The following CTNNA3 variants were observed in gnomAD, a reference collection of about 807,000 sequenced individuals.
The protein encoded by CTNNA3 is catenin alpha 3.
Under a neutral mutation model 95.7 loss-of-function variants are expected in CTNNA3, and 76 were observed. The ratio of observed to expected loss-of-function variants is 0.79; its 90% CI spans 0.66 to 0.96. The LOEUF is 0.96. CTNNA3 is among the 40% of genes least tolerant of loss of function. The probability of loss-of-function intolerance (pLI) is 0.00; values close to 1 mark genes in which losing one functional copy is unlikely to be tolerated. For synonymous variants in CTNNA3, 431 were observed against 374.4 expected, an observed-to-expected ratio of 1.15 and a Z score of -1.74; for missense variants, 1,191 against 1,089.8, an observed-to-expected ratio of 1.09 and a Z score of -1.31.
At chr10:66,604,942 G>T (rs1208908631) in intron 10 of CTNNA3, among the ~76,000 whole-genome samples, 1 of 152,140 alleles carries the variant, frequency 6.6e-6, no homozygotes, top group Non-Finnish European at 1.5e-5. Context: ...TCCAGCAGGG[G>T]TTCTGAACTG....
intron 7 of CTNNA3, among the ~76,000 whole-genome samples, chr10:67,100,278 A>G (rs777801136): frequency 1.5e-4 from 23 of 151,792 alleles, no homozygotes; most frequent in Non-Finnish European, 2.5e-4. Context: ...AGCTCTGTGC[A>G]ACCAAGGCCC....
intron 7 of CTNNA3, among the ~76,000 whole-genome samples, chr10:66,875,201 G>A (rs10762116): frequency 0.75 from 114,062 of 151,846 alleles, 44,144 homozygotes; most frequent in South Asian, 0.85. Flanking sequence ...GAGAAGTTTC[G>A]TGTGGAGAAC....
At chr10:65,956,199 A>C (rs181008346) in intron 17 of CTNNA3, among the ~76,000 whole-genome samples, 8 of 152,208 alleles carry the variant, frequency 5.3e-5, no homozygotes, top group Non-Finnish European at 8.8e-5. Flanking sequence ...GTATTCTCTG[A>C]TGGTAGTTTG....
Position 67,472,990 on chromosome 10 carries a change from C to T in CTNNA3, c.579+48852G>A, listed in dbSNP as rs3898111. On this transcript the variant is annotated intron_variant, in intron 5 of 17. Coordinates refer to ENST00000433211, the MANE Select transcript of CTNNA3 (RefSeq NM_013266.4). ...GTACATGTTTACTGAATTATCACTA[C>T]GTAAGGCAATCACTTGCTCATATGT... Among the ~76,000 whole-genome samples the T allele has an allele frequency of 4.5e-3, 689 of 152,294 alleles. 7 individuals are homozygous for T. The highest frequency in any genetic ancestry group is 0.015 in the African/African-American group (639 of 41,554).
At chr10:67,701,659 T>C (rs1334814113) in intron 1 of CTNNA3, among the ~76,000 whole-genome samples, 4 of 152,220 alleles carry the variant, frequency 2.6e-5, no homozygotes, top group African/African-American at 9.7e-5. Flanking sequence ...CGGTACCAGC[T>C]GCTGCAAATT....
chr10:67,615,189 G>T (rs1843607897), intron 2 of CTNNA3, among the ~76,000 whole-genome samples: 1 of 152,196 alleles, frequency 6.6e-6, no homozygotes. Flanking sequence ...ATAATTTAGG[G>T]TTTTGTTTGT....
At position 67,287,149 on chromosome 10, in the gene CTNNA3, A is replaced by C. The variant is rs143552222; in HGVS notation, c.580-67279T>G. Among the ~76,000 whole-genome samples, 2,849 of 152,032 alleles carry C rather than the reference A, an allele frequency of 0.019. 230 individuals are homozygous for C. The East Asian group carries it at 0.25, about 14-fold the overall frequency. ...GGTCAGGAGTTCGAGACCAGCCTGG[A>C]CAATAAGGCAAAACCCCATCTCTAC... is the stretch of plus-strand genomic sequence containing the variant. On this transcript the variant is annotated intron_variant, in intron 5 of 17. Transcript: ENST00000433211.
intron 1 of CTNNA3, among the ~76,000 whole-genome samples, chr10:67,709,100 C>T (rs1841093241): frequency 2.0e-5 from 3 of 152,028 alleles, no homozygotes; most frequent in African/African-American, 4.8e-5. Flanking sequence ...ATGAATGTGG[C>T]AGCTACAAAT....
chr10:66,905,677 T>C (rs1444582840), intron 7 of CTNNA3, among the ~76,000 whole-genome samples: 1 of 152,154 alleles, frequency 6.6e-6, no homozygotes, highest in Admixed American at 6.5e-5. Context: ...GGTGGAGTAG[T>C]GTTTGGCCTA....
chr10:67,725,996 T>C (rs959907338), intron 1 of CTNNA3, among the ~76,000 whole-genome samples: 16 of 136,974 alleles, frequency 1.2e-4, no homozygotes, highest in African/African-American at 4.1e-4. Context: ...CTATATATTA[T>C]ATATTATATA....
chr10:66,044,639 A>T (rs574815795), intron 15 of CTNNA3, among the ~76,000 whole-genome samples: 3 of 152,162 alleles, frequency 2.0e-5, no homozygotes, highest in Admixed American at 6.5e-5. Flanking sequence ...TTGACTATAA[A>T]CTTTTTCATC....
intron 13 of CTNNA3, among the ~76,000 whole-genome samples, chr10:66,192,754 A>C (rs2086750178): frequency 6.6e-6 from 1 of 152,002 alleles, no homozygotes; most frequent in Non-Finnish European, 1.5e-5. Context: ...TTCCCAAAAC[A>C]TTTTTTTACA....
At chr10:66,723,585 G>A (rs1160330581) in intron 9 of CTNNA3, among the ~76,000 whole-genome samples, 2 of 152,174 alleles carry the variant, frequency 1.3e-5, no homozygotes, top group East Asian at 3.9e-4. Flanking sequence ...TCCCAGCAGG[G>A]ACTAGAATGG....
intron 11 of CTNNA3, among the ~76,000 whole-genome samples, chr10:66,395,408 T>C (rs1040476574): frequency 6.6e-6 from 1 of 152,172 alleles, no homozygotes; most frequent in East Asian, 1.9e-4. Flanking sequence ...ACTTTTTCCA[T>C]GCCCAAATCG....
At chr10:66,504,852 TCA>T (rs1212634044) in intron 11 of CTNNA3, among the ~76,000 whole-genome samples, 1 of 152,164 alleles carries the variant, frequency 6.6e-6, no homozygotes, top group Non-Finnish European at 1.5e-5. Flanking sequence ...GCACATACAC[TCA>T]CTGAGACAAT....
At chr10:66,717,840 T>C (rs1848502006) in intron 9 of CTNNA3, among the ~76,000 whole-genome samples, 2 of 152,194 alleles carry the variant, frequency 1.3e-5, no homozygotes, top group East Asian at 1.9e-4. Context: ...TTCAATTTGC[T>C]GACAGCAGCT....
intron 7 of CTNNA3, among the ~76,000 whole-genome samples, chr10:66,916,756 A>G (rs1846513994): frequency 6.6e-6 from 1 of 152,214 alleles, no homozygotes; most frequent in South Asian, 2.1e-4. Context: ...GGGAAATTGA[A>G]TTGCAGGACA....
intron 9 of CTNNA3, among the ~76,000 whole-genome samples, chr10:66,625,048 AT>A (rs1844885277): frequency 1.5e-4 from 23 of 152,296 alleles, no homozygotes; most frequent in Admixed American, 1.4e-3. Flanking sequence ...ATGTTCTTTC[AT>A]TTTTATGAAA....
chr10:67,564,293 C>A (rs1028561398), intron 3 of CTNNA3, among the ~76,000 whole-genome samples: 3 of 149,878 alleles, frequency 2.0e-5, no homozygotes, highest in South Asian at 4.5e-4. Context: ...CACATATAAT[C>A]CATGGAATAC....
Sources: allele counts gnomAD v4.1 joint callset (sites outside exome capture counted in the v4.1 genomes callset), GRCh38; gene constraint gnomAD v4.1.1; transcripts MANE v1.5; gene names NCBI Gene and HGNC (gene_info 2026-07-23, HGNC 2026-07-21).